ANKRD42: variants seen among roughly 807,000 people sequenced by gnomAD.
ANKRD42 encodes the protein ankyrin repeat domain 42, also known as ankyrin repeat domain-containing protein 42.
ANKRD42 carries 43 observed loss-of-function variants against 51.5 expected under a neutral mutation model. The observed-to-expected ratio is 0.83, with a 90% CI of 0.65 to 1.08. The LOEUF is 1.08. ANKRD42 is among the 50% of genes least tolerant of loss of function. The probability of loss-of-function intolerance (pLI) is 0.00; values close to 1 mark genes in which losing one functional copy is unlikely to be tolerated. For synonymous variants in ANKRD42, 203 were observed against 213.0 expected, an observed-to-expected ratio of 0.95 and a Z score of 0.41; for missense variants, 608 against 629.3, an observed-to-expected ratio of 0.97 and a Z score of 0.36.
chr11:83,203,605 G>T (rs1861954804), intron 2 of ANKRD42, among the ~76,000 whole-genome samples: 3 of 151,962 alleles, frequency 2.0e-5, no homozygotes, highest in Non-Finnish European at 4.4e-5. Flanking sequence ...TGTTGGCCAG[G>T]CTCGTCTCAA....
downstream of ANKRD42, chr11:83,256,102 C>T (rs1863768688): frequency 8.1e-6 from 4 of 491,034 alleles, no homozygotes; most frequent in Middle Eastern, 5.6e-4. Flanking sequence ...TTAAATGACA[C>T]GGACTCAGTT....
At chr11:83,212,194 T>C (rs1040842963) in intron 5 of ANKRD42, among the ~76,000 whole-genome samples, 7 of 152,114 alleles carry the variant, frequency 4.6e-5, no homozygotes, top group African/African-American at 1.2e-4. Context: ...GCGATTCTTA[T>C]GCCTCAGCGT....
chr11:83,223,119 A>G (rs1255229514), intron 5 of ANKRD42, among the ~76,000 whole-genome samples: 1 of 152,098 alleles, frequency 6.6e-6, no homozygotes, highest in Non-Finnish European at 1.5e-5. Flanking sequence ...GCGTAGTGGC[A>G]CACACCTGTA....
chr11:83,208,217 G>A (rs185095704), intron 3 of ANKRD42, among the ~76,000 whole-genome samples: 5 of 150,364 alleles, frequency 3.3e-5, no homozygotes, highest in Non-Finnish European at 5.9e-5. Context: ...GTCTGTGGGA[G>A]GGGGGGGTCT....
At position 83,238,730 on chromosome 11, in the gene ANKRD42, T is replaced by C. The variant is rs1386903246; in HGVS notation, c.1020-2029T>C. Among the ~76,000 whole-genome samples, 2 of 151,902 alleles carry C rather than the reference T, an allele frequency of 1.3e-5. 1 individual carries two copies. Among genetic ancestry groups the C allele is most frequent in the African/African-American group, 4.8e-5 (2 of 41,310 alleles). On this transcript the variant is annotated intron_variant, in intron 8 of 10. Transcript: ENST00000533342. ...CTGTAATCCCAGCTACTCAGGAGGT[T>C]GAGGCAGGAGAATTCCTTGAACCTG...
Position 83,246,676 on chromosome 11 carries a change from C to G in ANKRD42, c.1322+1052C>G, listed in dbSNP as rs938759762. On this transcript the variant is annotated intron_variant, in intron 10 of 10. Transcript: ENST00000533342. ...CTTTTCCTTTGGTCGTGTCTTGTTC[C>G]GTCACACTCTTAGAACTGCCTGTTT... Among the ~76,000 whole-genome samples the G allele has an allele frequency of 7.9e-5, 12 of 152,242 alleles. 1 individual carries two copies. Among genetic ancestry groups the G allele is most frequent in the Admixed American group, 5.9e-4 (9 of 15,298 alleles).
intron 1 of ANKRD42, among the ~76,000 whole-genome samples, chr11:83,197,162 A>T (rs1861692568): frequency 6.6e-6 from 1 of 152,144 alleles, no homozygotes; most frequent in African/African-American, 2.4e-5. Context: ...TTGTTCTTCA[A>T]GGTCTTGCTT....
intron 7 of ANKRD42, among the ~76,000 whole-genome samples, chr11:83,231,423 A>G (rs1263692981): frequency 1.3e-5 from 2 of 152,148 alleles, no homozygotes; most frequent in East Asian, 3.8e-4. Context: ...TTTTTCCTAT[A>G]GAGTTGTTTG....
chr11:83,208,509 G>T (rs752244338), intron 3 of ANKRD42, among the ~76,000 whole-genome samples: 7 of 152,164 alleles, frequency 4.6e-5, no homozygotes, highest in Non-Finnish European at 8.8e-5. Flanking sequence ...GGATTATTAG[G>T]ATGAAGGAAG....
chr11:83,248,340 A>G lies in ANKRD42; in HGVS notation c.*136A>G. 7.4e-7 allele frequency: 1 copy of G among 1,354,172 alleles called. No homozygotes were observed. The highest frequency in any genetic ancestry group is 9.4e-7 in the Non-Finnish European group (1 of 1,062,662). The allele number at this position is 1,354,172 out of a possible 1,614,324, so 83.9% of individuals were successfully genotyped here. A position where few individuals can be genotyped will look rare whatever the true frequency, so the allele number is the denominator to read the frequency against. On this transcript the variant is annotated 3_prime_UTR_variant, in exon 11 of 11. Transcript: ENST00000533342. ...ACACACACACACACACACACACTCT[A>G]TATGTAACTATAACTTTCTAGATAC...
At chr11:83,222,527 A>G (rs1277713798) in intron 5 of ANKRD42, among the ~76,000 whole-genome samples, 1 of 152,214 alleles carries the variant, frequency 6.6e-6, no homozygotes, top group African/African-American at 2.4e-5. Flanking sequence ...TAAGTCCTCA[A>G]GAAAGCCTTC....
intron 3 of ANKRD42, among the ~76,000 whole-genome samples, chr11:83,209,147 G>T (rs571348050): frequency 3.5e-4 from 53 of 152,268 alleles, no homozygotes; most frequent in Middle Eastern, 3.4e-3. Flanking sequence ...TTGAATTAGT[G>T]AAAGTTTAAT....
At chr11:83,224,506 G>T (rs1272468962) in intron 5 of ANKRD42, among the ~76,000 whole-genome samples, 2 of 152,162 alleles carry the variant, frequency 1.3e-5, no homozygotes, top group African/African-American at 4.8e-5. Flanking sequence ...AGAAATGCAG[G>T]CTGGGAAAAA....
intron 2 of ANKRD42, among the ~76,000 whole-genome samples, chr11:83,204,242 C>T (rs1266339376): frequency 4.6e-5 from 7 of 152,118 alleles, no homozygotes; most frequent in Admixed American, 1.3e-4. Flanking sequence ...TGCACCCAGC[C>T]GGTCAATTGA....
downstream of ANKRD42, among the ~76,000 whole-genome samples, chr11:83,263,923 A>T (rs547280468): frequency 6.6e-6 from 1 of 152,210 alleles, no homozygotes. Context: ...TGGCACCTCA[A>T]CATCAGTAGT....
At chr11:83,243,393 CTT>C (rs1863448531) in intron 9 of ANKRD42, among the ~76,000 whole-genome samples, 1 of 152,146 alleles carries the variant, frequency 6.6e-6, no homozygotes, top group African/African-American at 2.4e-5. Flanking sequence ...GAAATTTCCT[CTT>C]TTGTTGAATT....
chr11:83,229,514 CT>C (rs1369535360), intron 7 of ANKRD42, among the ~76,000 whole-genome samples: 1 of 152,234 alleles, frequency 6.6e-6, no homozygotes, highest in East Asian at 1.9e-4. Flanking sequence ...CATAGTACAT[CT>C]TTGTGGGGAC....
At chr11:83,204,693 A>T (rs1862001850) in intron 2 of ANKRD42, among the ~76,000 whole-genome samples, 1 of 152,228 alleles carries the variant, frequency 6.6e-6, no homozygotes, top group South Asian at 2.1e-4. Context: ...GCAAAAATTT[A>T]CTCAAAACAG....
In ANKRD42 at chr11:83,245,449, A is replaced by C. The variant is rs771966549; in HGVS notation, c.1196-49A>C. 20 of 1,522,038 alleles carry C rather than the reference A, an allele frequency of 1.3e-5. No homozygotes were observed. The African/African-American group carries it at 2.1e-4, about 16-fold the overall frequency. The allele number at this position is 1,522,038 out of a possible 1,614,324, so 94.3% of individuals were successfully genotyped here. Reference sequence around the variant, plus strand: ...AAGAATACCAGCACCCAGTGGACACATGAGCTGTTATATGTCTAACTAGGT... The same window carrying C: ...AAGAATACCAGCACCCAGTGGACACCTGAGCTGTTATATGTCTAACTAGGT... On this transcript the variant is annotated intron_variant, in intron 9 of 10. Coordinates refer to ENST00000533342, the MANE Select transcript of ANKRD42 (RefSeq NM_001300975.2).
Sources: gnomAD v4.1 joint callset for allele counts (sites outside exome capture counted in the v4.1 genomes callset) on GRCh38, gnomAD v4.1.1 for gene constraint, MANE v1.5 for transcripts, NCBI Gene and HGNC (gene_info 2026-07-23, HGNC 2026-07-21) for gene names.